Variants in CLVS1 observed in about 807,000 individuals in gnomAD.
CLVS1 encodes the protein clavesin 1, also known as clavesin-1.
Under a neutral mutation model 33.1 loss-of-function variants are expected in CLVS1, and 10 were observed. The observed-to-expected ratio is 0.30, with a 90% CI of 0.19 to 0.51. The LOEUF (loss-of-function observed/expected upper bound fraction) is 0.51. Among genes scored for constraint, CLVS1 ranks in the 20% least tolerant of loss-of-function variants. CLVS1 has a pLI of 0.97. For missense variants in CLVS1, 343 were observed against 433.4 expected (o/e 0.79, Z 1.85); for synonymous variants, 163 against 166.1 (o/e 0.98, Z 0.14).
intron 3 of CLVS1, among the ~76,000 whole-genome samples, chr8:61,447,535 T>G (rs1043099288): frequency 5.9e-5 from 9 of 151,916 alleles, no homozygotes; most frequent in African/African-American, 2.2e-4. Flanking sequence ...TATTATTAAA[T>G]ATATCTTTTC....
chr8:61,266,770 C>A (rs1249958734), intron 2 of CLVS1, among the ~76,000 whole-genome samples: 1 of 152,144 alleles, frequency 6.6e-6, no homozygotes, highest in African/African-American at 2.4e-5. Flanking sequence ...CTTAATAAAT[C>A]CAGATTTGTT....
chr8:61,085,693 C>G (rs193196385), intron 1 of CLVS1, among the ~76,000 whole-genome samples: 5 of 149,514 alleles, frequency 3.3e-5, no homozygotes, highest in Middle Eastern at 3.5e-3. Flanking sequence ...GAATTCGAGA[C>G]CAGCCTGGCC....
chr8:61,225,087 C>T (rs1193048394), intron 2 of CLVS1, among the ~76,000 whole-genome samples: 6 of 152,090 alleles, frequency 3.9e-5, no homozygotes, highest in Non-Finnish European at 7.4e-5. Flanking sequence ...GAGGCTGAGG[C>T]GGGTGGATCG....
chr8:61,132,310 G>T (rs919187042), intron 2 of CLVS1, among the ~76,000 whole-genome samples: 3 of 152,240 alleles, frequency 2.0e-5, no homozygotes, highest in African/African-American at 7.2e-5. Flanking sequence ...TGCTGGGGTT[G>T]CGGCAGGGGA....
At chr8:61,490,323 CAAAA>C (rs112419815) in intron 5 of CLVS1, among the ~76,000 whole-genome samples, 1 of 86,600 alleles carries the variant, frequency 1.2e-5, no homozygotes, top group African/African-American at 4.3e-5. Flanking sequence ...AACTCCGTCT[CAAAA>C]AAAAAAAAAA....
chr8:61,315,791 A>T (rs191757851), intron 2 of CLVS1, among the ~76,000 whole-genome samples: 68 of 152,272 alleles, frequency 4.5e-4, no homozygotes, highest in African/African-American at 1.4e-3. Context: ...CAGGTTTGTT[A>T]CATAGGTATA....
At chr8:61,197,019 C>T (rs1352677556) in intron 2 of CLVS1, among the ~76,000 whole-genome samples, 1 of 152,168 alleles carries the variant, frequency 6.6e-6, no homozygotes, top group South Asian at 2.1e-4. Flanking sequence ...AGACAGCACT[C>T]TAGCAACCTT....
chr8:61,182,416 T>G lies in CLVS1; in HGVS notation c.-152+50556T>G, dbSNP rs558400479. Among the ~76,000 whole-genome samples the G allele has an allele frequency of 3.9e-5, 6 of 152,060 alleles. No homozygotes were observed. The East Asian group carries it at 9.7e-4, about 25-fold the overall frequency. ...GGCAACCTACAGAATGAGAGAAAATTTTTGCAATCTACCCATCTGACAAAG... is the reference window on the plus strand; with the variant it reads ...GGCAACCTACAGAATGAGAGAAAATGTTTGCAATCTACCCATCTGACAAAG... On this transcript the variant is annotated intron_variant, in intron 2 of 2. Coordinates refer to the CLVS1 transcript ENST00000522621.
chr8:60,995,160 T>C, the CLVS1 span, among the ~76,000 whole-genome samples: 2 of 152,266 alleles, frequency 1.3e-5, no homozygotes, highest in African/African-American at 4.8e-5. Flanking sequence ...AATTGACAAA[T>C]GGCATCTAAT....
Position 61,499,472 on chromosome 8 carries a change from A to C in CLVS1, c.995A>C (p.Glu332Ala), listed in dbSNP as rs755769564. The C allele has an allele frequency of 6.2e-7, 1 of 1,613,346 alleles. No individual in the cohort carries two copies. Among genetic ancestry groups the C allele is most frequent in the Admixed American group, 1.7e-5 (1 of 60,020 alleles). Residue 332 changes from glutamate (E) to alanine (A), a missense_variant, in exon 6 of 6, where the codon GAA becomes GCA. Around this residue, in one of 4 missense-constraint regions of CLVS1, gnomAD observed 86 missense variants for 95.0 expected, o/e 0.91. Coordinates refer to ENST00000325897, the MANE Select transcript of CLVS1 (RefSeq NM_173519.3). ...CTTGTTAGATCTCAGTCTGTGGTAGAAGCTGGGACCCTGAAACATGAGGAG... is the reference window on the plus strand; with the variant it reads ...CTTGTTAGATCTCAGTCTGTGGTAGCAGCTGGGACCCTGAAACATGAGGAG... ...KLMKRSQSVV[E>A]AGTLKHEEKG...
At chr8:61,033,483 G>A in the CLVS1 span, among the ~76,000 whole-genome samples, 78 of 152,082 alleles carry the variant, frequency 5.1e-4, no homozygotes, top group Admixed American at 1.2e-3. Context: ...ACAGGGCAAA[G>A]GTCCAGAGAA....
At chr8:61,412,097 A>C (rs1229058330) in intron 3 of CLVS1, among the ~76,000 whole-genome samples, 1 of 152,120 alleles carries the variant, frequency 6.6e-6, no homozygotes, top group African/African-American at 2.4e-5. Flanking sequence ...CACATTAGCA[A>C]ATATTTCTTC....
intron 2 of CLVS1, among the ~76,000 whole-genome samples, chr8:61,215,682 A>ATGTGTG (rs72193127): frequency 0.027 from 3,836 of 143,692 alleles, 79 homozygotes; most frequent in Middle Eastern, 0.061. Flanking sequence ...GAAATTGAAA[A>ATGTGTG]TGTGTGTGTG....
chr8:61,202,394 AGAACTATCTTTTTGGTTGT>A lies in CLVS1; in HGVS notation c.-152+70541_-152+70559del. Reference sequence around the variant, plus strand: ...GTGGACATGAGCTCCCTGAGGCCCCAGAACTATCTTTTTGGTTGTGAACTAAAGGCTGACAAAGATTGTC... The same window carrying A: ...GTGGACATGAGCTCCCTGAGGCCCCAGAACTAAAGGCTGACAAAGATTGTC... On this transcript the variant is annotated intron_variant, in intron 2 of 2. Coordinates refer to the CLVS1 transcript ENST00000522621. The A allele has an allele frequency of 3.9e-6, 3 of 760,808 alleles. No homozygotes were observed. The Admixed American group carries it at 5.2e-5, about 13-fold the overall frequency. 47.1% of individuals were successfully genotyped at this position (760,808 alleles called of 1,614,324 possible).
At chr8:61,202,356 A>G in intron 2 of CLVS1, 2 of 741,454 alleles carry the variant, frequency 2.7e-6, no homozygotes, top group Non-Finnish European at 5.0e-6. Context: ...TCCCGATGGA[A>G]GATCTGATGG....
At chr8:61,477,662 T>C (rs1818005616) in intron 5 of CLVS1, among the ~76,000 whole-genome samples, 1 of 152,228 alleles carries the variant, frequency 6.6e-6, no homozygotes, top group Admixed American at 6.5e-5. Flanking sequence ...TGTCATTTTT[T>C]ATTGTGTCTA....
intron 3 of CLVS1, among the ~76,000 whole-genome samples, chr8:61,403,359 G>A (rs1329740586): frequency 6.6e-6 from 1 of 152,196 alleles, no homozygotes; most frequent in East Asian, 1.9e-4. Flanking sequence ...AGGGCTCTGG[G>A]CTGAAGGATG....
At chr8:61,340,132 C>T (rs1334446321) in intron 2 of CLVS1, among the ~76,000 whole-genome samples, 3 of 151,672 alleles carry the variant, frequency 2.0e-5, no homozygotes, top group African/African-American at 7.3e-5. Flanking sequence ...GGAAAGAACC[C>T]TGCATTGCCA....
intron 1 of CLVS1, among the ~76,000 whole-genome samples, chr8:61,090,391 C>T (rs1218717001): frequency 1.3e-5 from 2 of 152,140 alleles, no homozygotes; most frequent in Non-Finnish European, 2.9e-5. Context: ...GAGAATGTTA[C>T]ACCAGCAGAA....
Sources: gnomAD v4.1 joint callset for allele counts (sites outside exome capture counted in the v4.1 genomes callset) on GRCh38, gnomAD v4.1.1 for gene constraint, gnomAD v4.1.1 regional missense constraint, MANE v1.5 for transcripts, NCBI Gene and HGNC (gene_info 2026-07-23, HGNC 2026-07-21) for gene names.